Variants in ZWILCH observed in about 807,000 individuals in gnomAD.
The protein encoded by ZWILCH is protein zwilch homolog.
Under a neutral mutation model 79.9 loss-of-function variants are expected in ZWILCH, and 74 were observed. The ratio of observed to expected loss-of-function variants is 0.93; its 90% CI spans 0.77 to 1.12. The LOEUF (loss-of-function observed/expected upper bound fraction) is 1.12, where lower values mean the gene tolerates loss of function less well. Among genes scored for constraint, ZWILCH ranks in the 50% most tolerant of loss-of-function variants. The pLI, the probability that ZWILCH is intolerant of heterozygous loss-of-function variation, is 0.00. For missense variants in ZWILCH, 694 were observed against 687.5 expected, an observed-to-expected ratio of 1.01 and a Z score of -0.11; for synonymous variants, 241 against 228.2, an observed-to-expected ratio of 1.06 and a Z score of -0.51.
chr15:66,509,524 A>G (rs1460200822), intron 2 of ZWILCH, among the ~76,000 whole-genome samples: 1 of 152,112 alleles, frequency 6.6e-6, no homozygotes, highest in African/African-American at 2.4e-5. Flanking sequence ...TCTGAGTAGT[A>G]TTCCATTGTA....
At chr15:66,510,223 TATAAA>T in intron 2 of ZWILCH, among the ~76,000 whole-genome samples, 1 of 127,748 alleles carries the variant, frequency 7.8e-6, no homozygotes, top group Non-Finnish European at 1.8e-5. Context: ...TAAAATAAAA[TATAAA>T]ATAAAATAAA....
Position 66,537,158 on chromosome 15 carries a change from G to T in ZWILCH, c.1479-10G>T. 2 of 1,606,940 alleles carry T rather than the reference G, an allele frequency of 1.2e-6. No homozygotes were observed. The highest frequency in any genetic ancestry group is 1.7e-6 in the Non-Finnish European group (2 of 1,176,720). ...TTTTTTCCAAAAGAGGTTCCATTTT[G>T]TTTTTTCAGGATCTGCATAAAGTAT... On this transcript the variant is annotated splice_polypyrimidine_tract_variant and intron_variant, in intron 15 of 18. Transcript: ENST00000307897.
chr15:66,520,649 C>G lies in ZWILCH; in HGVS notation c.580C>G (p.His194Asp). 1 of 1,552,500 alleles carries G rather than the reference C, an allele frequency of 6.4e-7. No homozygotes were observed. The highest frequency in any genetic ancestry group is 1.8e-5 in the Admixed American group (1 of 56,886). ...AAAAAATTTACACAAGAAAAGACAT[C>G]ACTTGTCTACTGTAAGTGTTTTGCT... ...NLKNLHKKRHHLSTVTSKGFA... is the reference protein window; with the variant it reads ...NLKNLHKKRHDLSTVTSKGFA... The change falls in exon 6 of 19, where the codon CAC (histidine) becomes GAC (aspartate). Residue 194 changes from histidine (H) to aspartate (D), a missense_variant. Physicochemically the swap from His to Asp is moderately conservative, Grantham distance 81. Transcript: ENST00000307897.
intron 12 of ZWILCH, among the ~76,000 whole-genome samples, chr15:66,530,944 T>C (rs1487612996): frequency 2.6e-5 from 4 of 152,238 alleles, no homozygotes; most frequent in African/African-American, 9.6e-5. Flanking sequence ...ATGAGATGTT[T>C]ACAAGTATAA....
In ZWILCH at chr15:66,529,498, G is replaced by A. The variant is rs575321980; in HGVS notation, c.1080G>A (p.Val360=). The A allele has an allele frequency of 4.3e-6, 7 of 1,613,054 alleles. No individual in the cohort carries two copies. In the South Asian group the frequency reaches 6.6e-5, roughly 15 times the overall value. The part of the protein sequence containing the change: ...EQLWCKMSSS[V]ISYQDLVKCF... ...TACACTGACTTGTTTTCCAAGGTGTGATTTCATACCAAGACTTGGTGAAGT... is the reference window on the plus strand; with the variant it reads ...TACACTGACTTGTTTTCCAAGGTGTAATTTCATACCAAGACTTGGTGAAGT... Residue 360 remains valine, a synonymous_variant, in exon 12 of 19, where the codon GTG becomes GTA. Transcript: ENST00000307897.
At chr15:66,529,350 T>C (rs1303540630) in intron 11 of ZWILCH, 144 bp from the exon 12 acceptor site, 27 of 543,138 alleles carry the variant, frequency 5.0e-5, no homozygotes, top group Non-Finnish European at 6.4e-5. Context: ...TTTTTTTTTT[T>C]GCCACTTTAA....
chr15:66,510,940 A>G (rs1174805632), intron 2 of ZWILCH, among the ~76,000 whole-genome samples: 1 of 152,130 alleles, frequency 6.6e-6, no homozygotes, highest in Non-Finnish European at 1.5e-5. Flanking sequence ...TCTTGATTAC[A>G]TTTGCCAAGA....
At chr15:66,510,204 T>TAAATAAAATAAAATA (rs569377201) in intron 2 of ZWILCH, among the ~76,000 whole-genome samples, 81 of 138,578 alleles carry the variant, frequency 5.8e-4, no homozygotes, top group Middle Eastern at 3.8e-3. Flanking sequence ...TAAAATAAAA[T>TAAATAAAATAAAATA]AAATAAAATA....
At chr15:66,534,066 C>T (rs763802582) in intron 14 of ZWILCH, among the ~76,000 whole-genome samples, 30 of 152,032 alleles carry the variant, frequency 2.0e-4, no homozygotes, top group Non-Finnish European at 4.3e-4. Context: ...TGATCGTGGG[C>T]TACTTTTTTG....
At chr15:66,541,048 C>T (rs1157425526) in intron 17 of ZWILCH, among the ~76,000 whole-genome samples, 3 of 149,218 alleles carry the variant, frequency 2.0e-5, no homozygotes, top group Non-Finnish European at 3.0e-5. Context: ...GAGGCTGAGG[C>T]AGGTGGATCA....
At chr15:66,528,990 T>G in intron 11 of ZWILCH, 33 bp downstream of exon 11, 1 of 1,555,142 alleles carries the variant, frequency 6.4e-7, no homozygotes, top group South Asian at 1.1e-5. Flanking sequence ...ATTTTTCCTC[T>G]TATTTCTTAG....
Position 66,521,043 on chromosome 15 carries a change from T to C in ZWILCH, c.592-7T>C, listed in dbSNP as rs1894473564. Reference sequence around the variant, plus strand: ...GCTAAATGATCTGCTGGGTACACTCTTTTCAGGTAACATCCAAAGGCTTTG... The same window carrying C: ...GCTAAATGATCTGCTGGGTACACTCCTTTCAGGTAACATCCAAAGGCTTTG... On this transcript the variant is annotated splice_region_variant and splice_polypyrimidine_tract_variant and intron_variant, in intron 6 of 18. Transcript: ENST00000307897. 1 of 1,613,942 alleles carries C rather than the reference T, an allele frequency of 6.2e-7. No individual in the cohort carries two copies. Among genetic ancestry groups the C allele is most frequent in the Non-Finnish European group, 8.5e-7 (1 of 1,179,904 alleles).
intron 1 of ZWILCH, 163 bp from the exon 2 acceptor site, chr15:66,508,678 C>CT: frequency 1.5e-6 from 2 of 1,346,074 alleles, no homozygotes; most frequent in Non-Finnish European, 1.9e-6. Context: ...TTCTTTTCTG[C>CT]TTTTTTTCTC....
chr15:66,546,790 G>A lies in ZWILCH; in HGVS notation c.*26+85G>A, dbSNP rs1895386694. ...TAGTTCTTTCTACATTATCAATGTCGATTTGCTACATTAGGAATAGGGATT... is the reference window on the plus strand; with the variant it reads ...TAGTTCTTTCTACATTATCAATGTCAATTTGCTACATTAGGAATAGGGATT... On this transcript the variant is annotated intron_variant, in intron 18 of 18. Transcript: ENST00000307897. 2.3e-5 allele frequency: 14 copies of A among 611,664 alleles called. No homozygotes were observed. In the East Asian group the frequency reaches 2.3e-4, roughly 10 times the overall value. The allele number at this position is 611,664 out of a possible 1,614,324, so 37.9% of individuals were successfully genotyped here.
chr15:66,522,260 T>C (rs1052066002), intron 7 of ZWILCH, among the ~76,000 whole-genome samples: 13 of 151,616 alleles, frequency 8.6e-5, no homozygotes, highest in African/African-American at 2.9e-4. Context: ...TGCAGCGATA[T>C]AACTGTGTTT....
intron 18 of ZWILCH, chr15:66,547,606 G>A (rs1195987828): frequency 6.6e-6 from 1 of 152,016 alleles, no homozygotes; most frequent in Non-Finnish European, 1.5e-5. Flanking sequence ...AAATAAACAT[G>A]TAATATTTCT....
At chr15:66,527,027 A>T (rs1894697696) in intron 8 of ZWILCH, among the ~76,000 whole-genome samples, 1 of 152,082 alleles carries the variant, frequency 6.6e-6, no homozygotes, top group Admixed American at 6.6e-5. Context: ...ATATCCTGAG[A>T]CTATCAGTTA....
chr15:66,518,688 G>C (rs111861014), intron 4 of ZWILCH, among the ~76,000 whole-genome samples, 191 bp from the exon 5 acceptor site: 14 of 152,276 alleles, frequency 9.2e-5, no homozygotes, highest in African/African-American at 3.4e-4. Flanking sequence ...GCTTGTATCT[G>C]TAGTCCCAGC....
chr15:66,516,605 A>G (rs1253285023), intron 4 of ZWILCH, among the ~76,000 whole-genome samples: 2 of 151,702 alleles, frequency 1.3e-5, no homozygotes, highest in African/African-American at 2.4e-5. Context: ...TCCTGGGTTC[A>G]AGTGATTCTC....
Sources: gnomAD v4.1 joint callset for allele counts (sites outside exome capture counted in the v4.1 genomes callset) on GRCh38, gnomAD v4.1.1 for gene constraint, MANE v1.5 for transcripts, NCBI Gene and HGNC (gene_info 2026-07-23, HGNC 2026-07-21) for gene names.